OMA1: variants seen among roughly 807,000 people sequenced by gnomAD.
The protein encoded by OMA1 is OMA1 zinc metallopeptidase.
OMA1 carries 38 observed loss-of-function variants against 30.9 expected under a neutral mutation model. That is an observed-to-expected ratio of 1.23 (90% confidence interval 0.95 to 1.61). The LOEUF is 1.61. Among genes scored for constraint, OMA1 ranks in the 40% most tolerant of loss-of-function variants. The pLI, the probability that OMA1 is intolerant of heterozygous loss-of-function variation, is 0.00. For synonymous variants in OMA1, 173 were observed against 121.9 expected, an observed-to-expected ratio of 1.42 and a Z score of -2.76; for missense variants, 461 against 349.2, an observed-to-expected ratio of 1.32 and a Z score of -2.55.
At chr1:58,514,535 A>G (rs1467382573) in intron 7 of OMA1, among the ~76,000 whole-genome samples, 1 of 152,182 alleles carries the variant, frequency 6.6e-6, no homozygotes, top group Non-Finnish European at 1.5e-5. Flanking sequence ...AAATCCTGAC[A>G]CTGAATGAAT....
intron 8 of OMA1, among the ~76,000 whole-genome samples, chr1:58,488,513 G>A (rs774522524): frequency 3.9e-5 from 6 of 152,176 alleles, no homozygotes; most frequent in South Asian, 2.1e-4. Context: ...GTGCAATGGC[G>A]CGATCTCAGA....
At chr1:58,499,477 T>TATAGATAGATAG (rs60917151) in intron 8 of OMA1, among the ~76,000 whole-genome samples, 34,420 of 143,540 alleles carry the variant, frequency 0.24, 4,383 homozygotes, top group Admixed American at 0.27. Flanking sequence ...AAAGCCAGAC[T>TATAGATAGATAG]ATAGATAGAT....
chr1:58,522,375 AT>A (rs1440695591), intron 7 of OMA1, among the ~76,000 whole-genome samples: 1 of 152,088 alleles, frequency 6.6e-6, no homozygotes, highest in Non-Finnish European at 1.5e-5. Flanking sequence ...TATATACATA[AT>A]TTTTTTAAAT....
At chr1:58,519,840 G>C (rs984502748) in intron 7 of OMA1, among the ~76,000 whole-genome samples, 4 of 152,108 alleles carry the variant, frequency 2.6e-5, no homozygotes, top group Non-Finnish European at 5.9e-5. Flanking sequence ...TTATAAAAGA[G>C]CATCAAAGGG....
At chr1:58,528,589 G>T (rs1394486804) in intron 6 of OMA1, among the ~76,000 whole-genome samples, 1 of 152,130 alleles carries the variant, frequency 6.6e-6, no homozygotes, top group Non-Finnish European at 1.5e-5. Flanking sequence ...TAGGGAATGG[G>T]GGTCAGAAAT....
rs540547300 is a variant in OMA1, at chr1:58,516,497, T to C, written c.1216-10288A>G. 3.9e-5 allele frequency among the ~76,000 whole-genome samples: 6 copies of C among 152,322 alleles called. No homozygotes were observed. In the South Asian group the frequency reaches 8.3e-4, roughly 21 times the overall value. The stretch of plus-strand genomic sequence containing the variant: ...TACATGTTGGTCTTACCAGTGATTA[T>C]TAATTCTATATTAATCATTCTGATA... On this transcript the variant is annotated intron_variant, in intron 7 of 8. Transcript: ENST00000371226.
At chr1:58,545,193 CTA>C (rs1431882573) in intron 1 of OMA1, among the ~76,000 whole-genome samples, 13 of 152,172 alleles carry the variant, frequency 8.5e-5, no homozygotes, top group Admixed American at 5.9e-4. Flanking sequence ...GCTCTCATCT[CTA>C]TGTCTATGCA....
At chr1:58,488,124 T>C (rs189628969) in intron 8 of OMA1, among the ~76,000 whole-genome samples, 100 of 152,310 alleles carry the variant, frequency 6.6e-4, no homozygotes, top group African/African-American at 2.3e-3. Flanking sequence ...TAAATACAGA[T>C]TTAGTAAAAA....
chr1:58,508,090 CA>C (rs1442069269), intron 7 of OMA1, among the ~76,000 whole-genome samples: 26 of 152,046 alleles, frequency 1.7e-4, no homozygotes, highest in Non-Finnish European at 3.7e-4. Context: ...ATCTTTAAAG[CA>C]ATATTTGATA....
intron 7 of OMA1, among the ~76,000 whole-genome samples, chr1:58,516,752 T>C (rs535173070): frequency 2.0e-5 from 3 of 152,246 alleles, no homozygotes; most frequent in Admixed American, 1.3e-4. Flanking sequence ...AATAGAACCA[T>C]CTCTCAGAAA....
At chr1:58,545,438 G>T (rs1185712595) in intron 1 of OMA1, among the ~76,000 whole-genome samples, 2 of 152,138 alleles carry the variant, frequency 1.3e-5, no homozygotes, top group Non-Finnish European at 2.9e-5. Flanking sequence ...CTGAAGAAAG[G>T]GTAAAGAATG....
At position 58,534,262 on chromosome 1, in the gene OMA1, G is replaced by A; in HGVS notation, c.799C>T (p.Leu267Phe). 1 of 871,336 alleles carries A rather than the reference G, an allele frequency of 1.1e-6. No individual in the cohort carries two copies. Among genetic ancestry groups the A allele is most frequent in the East Asian group, 2.4e-5 (1 of 41,598 alleles). 54.0% of individuals were successfully genotyped at this position (871,336 alleles called of 1,614,324 possible). A position where few individuals can be genotyped will look rare whatever the true frequency, so the allele number is the denominator to read the frequency against. The change falls in exon 4 of 9, where the codon CTT (leucine) becomes TTT (phenylalanine). Residue 267 changes from leucine (L) to phenylalanine (F), a missense_variant. Physicochemically the swap from Leu to Phe is conservative, Grantham distance 22. Transcript: ENST00000371226. The stretch of plus-strand genomic sequence containing the variant: ...TTATTGCATTCAATTAGATGACAAA[G>A]CACTTCTTTAACAGCCAGGTATCGG... ...DARYLAVKEVLCHLIECNKDV... is the reference protein window; with the variant it reads ...DARYLAVKEVFCHLIECNKDV...
rs748108465 is a variant in OMA1, at chr1:58,534,215, C to G, written c.846G>C (p.Gln282His). 1 of 871,874 alleles carries G rather than the reference C, an allele frequency of 1.1e-6. No homozygotes were observed. The highest frequency in any genetic ancestry group is 2.0e-6 in the Non-Finnish European group (1 of 501,464). 54.0% of individuals were successfully genotyped at this position (871,874 alleles called of 1,614,324 possible). Residue 282 changes from glutamine (Q) to histidine (H), a missense_variant, in exon 4 of 9, where the codon CAG becomes CAC. By Grantham distance (24) the Gln-to-His change is conservative. Coordinates refer to ENST00000371226, the MANE Select transcript of OMA1 (RefSeq NM_145243.5). ...CAACCACATGAATAACCCAATTGAT[C>G]TGAGAGATCCCTGGAACATCTTTAT... ...ECNKDVPGIS[Q>H]INWVIHVVDS...
chr1:58,510,177 C>CA (rs1319890859), intron 7 of OMA1, among the ~76,000 whole-genome samples: 227 of 150,906 alleles, frequency 1.5e-3, no homozygotes, highest in South Asian at 3.1e-3. Flanking sequence ...AAAGACACTA[C>CA]AAAAAAAAAT....
chr1:58,502,182 A>ATCT (rs1273730564), intron 8 of OMA1, among the ~76,000 whole-genome samples: 4 of 152,222 alleles, frequency 2.6e-5, no homozygotes, highest in African/African-American at 4.8e-5. Flanking sequence ...AAAATATACA[A>ATCT]TCTTCAATAA....
chr1:58,501,410 T>G (rs921184344), intron 8 of OMA1, among the ~76,000 whole-genome samples: 19 of 152,310 alleles, frequency 1.2e-4, no homozygotes, highest in African/African-American at 4.6e-4. Context: ...ATAAGTGACC[T>G]TGTCACTCCT....
At chr1:58,528,963 T>C (rs1646392060) in intron 6 of OMA1, among the ~76,000 whole-genome samples, 1 of 152,216 alleles carries the variant, frequency 6.6e-6, no homozygotes, top group East Asian at 1.9e-4. Context: ...ATAAATGTTA[T>C]CTTTCTTATG....
intron 7 of OMA1, among the ~76,000 whole-genome samples, chr1:58,517,530 C>T (rs568681544): frequency 2.0e-5 from 3 of 152,270 alleles, no homozygotes; most frequent in South Asian, 4.1e-4. Flanking sequence ...TTTGATGTAA[C>T]TTGAGAGATC....
chr1:58,544,182 T>C (rs1315994604), intron 1 of OMA1, among the ~76,000 whole-genome samples: 1 of 152,244 alleles, frequency 6.6e-6, no homozygotes, highest in Non-Finnish European at 1.5e-5. Flanking sequence ...AATTTTTAAA[T>C]GTTGGCAATG....
Sources: allele counts gnomAD v4.1 joint callset (sites outside exome capture counted in the v4.1 genomes callset), GRCh38; gene constraint gnomAD v4.1.1; transcripts MANE v1.5; gene names NCBI Gene and HGNC (gene_info 2026-07-23, HGNC 2026-07-21).